The following STARD13 variants were observed in gnomAD, a reference collection of about 807,000 sequenced individuals.
STARD13 encodes stAR-related lipid transfer protein 13.
Under a neutral mutation model 106.4 loss-of-function variants are expected in STARD13, and 62 were observed. That is an observed-to-expected ratio of 0.58 (90% CI 0.48 to 0.72). The LOEUF (loss-of-function observed/expected upper bound fraction) is 0.72. Among genes scored for constraint, STARD13 ranks in the 30% least tolerant of loss-of-function variants. STARD13 has a pLI of 0.00. For missense variants in STARD13, 1,387 were observed against 1,424.0 expected, an observed-to-expected ratio of 0.97 and a Z score of 0.42; for synonymous variants, 565 against 553.0, an observed-to-expected ratio of 1.02 and a Z score of -0.31.
chr13:33,205,766 A>G, intron 1 of STARD13: 2 of 757,782 alleles, frequency 2.6e-6, no homozygotes, highest in Non-Finnish European at 3.2e-6. Flanking sequence ...ATAGGAAGTA[A>G]CTGTTGTCTT....
At chr13:33,652,604 C>T in the STARD13 span, among the ~76,000 whole-genome samples, 1 of 152,214 alleles carries the variant, frequency 6.6e-6, no homozygotes, top group East Asian at 1.9e-4. Flanking sequence ...GTCTTCAAAG[C>T]CAATATAATG....
At chr13:33,559,915 T>C in the STARD13 span, among the ~76,000 whole-genome samples, 1 of 151,500 alleles carries the variant, frequency 6.6e-6, no homozygotes, top group Non-Finnish European at 1.5e-5. Flanking sequence ...CAGCAAGAAG[T>C]AGTCAGCAAG....
chr13:33,183,610 C>A (rs562702875), intron 1 of STARD13, among the ~76,000 whole-genome samples: 1 of 152,158 alleles, frequency 6.6e-6, no homozygotes, highest in African/African-American at 2.4e-5. Flanking sequence ...TAATCAATAA[C>A]AAGAAATCTC....
rs754009295 is a variant in STARD13, at chr13:33,106,830, T to C, written c.3152A>G (p.Asp1051Gly). Reference protein sequence around the residue: ...LLGGVRAVVMDSQYLIEPCGS... With the variant: ...LLGGVRAVVMGSQYLIEPCGS... ...ACACGGTTCTATCAAGTACTGCGAGTCCATCACCACTGCTCGCACACCACC... is the reference window on the plus strand; with the variant it reads ...ACACGGTTCTATCAAGTACTGCGAGCCCATCACCACTGCTCGCACACCACC... The change falls in exon 13 of 14, where the codon GAC (aspartate) becomes GGC (glycine). Residue 1051 changes from aspartate to glycine, a missense_variant. Asp to Gly is a moderately conservative substitution (Grantham distance 94, BLOSUM62 -1). Coordinates refer to ENST00000336934, the MANE Select transcript of STARD13 (RefSeq NM_178006.4). 2 of 1,614,026 alleles carry C rather than the reference T, an allele frequency of 1.2e-6. No homozygotes were observed. Among genetic ancestry groups the C allele is most frequent in the South Asian group, 2.2e-5 (2 of 91,060 alleles).
At chr13:33,149,726 C>A (rs1464441405) in intron 3 of STARD13, among the ~76,000 whole-genome samples, 1 of 152,170 alleles carries the variant, frequency 6.6e-6, no homozygotes, top group African/African-American at 2.4e-5. Context: ...TGTAAGAATA[C>A]AAATTGGATG....
intron 4 of STARD13, among the ~76,000 whole-genome samples, chr13:33,135,501 T>C (rs1330403508): frequency 1.3e-5 from 2 of 152,212 alleles, no homozygotes; most frequent in African/African-American, 2.4e-5. Flanking sequence ...AAGTGTATAA[T>C]GTACAGAATC....
At chr13:33,327,245 C>T (rs185689373) in intron 1 of STARD13, among the ~76,000 whole-genome samples, 1 of 152,244 alleles carries the variant, frequency 6.6e-6, no homozygotes, top group Non-Finnish European at 1.5e-5. Context: ...AATAAGTTCT[C>T]TTGAGAGACG....
At chr13:33,605,311 G>A in the STARD13 span, among the ~76,000 whole-genome samples, 7 of 150,686 alleles carry the variant, frequency 4.6e-5, no homozygotes, top group South Asian at 2.1e-4. Flanking sequence ...TCAAACTCCC[G>A]GGCTCAAGTG....
At chr13:33,194,336 G>A (rs1432393430) in intron 1 of STARD13, among the ~76,000 whole-genome samples, 1 of 151,920 alleles carries the variant, frequency 6.6e-6, no homozygotes, top group Non-Finnish European at 1.5e-5. Context: ...AGGAGAGATG[G>A]TTAATATTCA....
the STARD13 span, among the ~76,000 whole-genome samples, chr13:33,660,460 G>A: frequency 1.3e-5 from 2 of 152,120 alleles, no homozygotes; most frequent in South Asian, 2.1e-4. Context: ...TCCCTTGCTG[G>A]TACTGATCAG....
At chr13:33,359,292 G>A in the STARD13 span, among the ~76,000 whole-genome samples, 4 of 152,000 alleles carry the variant, frequency 2.6e-5, no homozygotes, top group East Asian at 1.9e-4. Flanking sequence ...CGGGAGAAAC[G>A]AACAACTCCA....
the STARD13 span, among the ~76,000 whole-genome samples, chr13:33,519,208 TTTTCTTTCTTTCTTTC>T: frequency 3.4e-3 from 348 of 101,562 alleles, 2 homozygotes; most frequent in Middle Eastern, 8.6e-3. Context: ...CTTGGTAATT[TTTTCTTTCTTTCTTTC>T]TTTCTTTCTT....
the STARD13 span, among the ~76,000 whole-genome samples, chr13:33,635,070 CCAAA>C: frequency 4.6e-5 from 7 of 152,216 alleles, no homozygotes; most frequent in Non-Finnish European, 1.0e-4. Flanking sequence ...TGTTAAAGAA[CCAAA>C]CAAAGTGGAT....
intron 3 of STARD13, among the ~76,000 whole-genome samples, chr13:33,147,290 G>C (rs1880675947): frequency 6.6e-6 from 1 of 152,222 alleles, no homozygotes; most frequent in Non-Finnish European, 1.5e-5. Context: ...GTGCAGAACT[G>C]TGTGTATACC....
the STARD13 span, among the ~76,000 whole-genome samples, chr13:33,397,898 T>C: frequency 6.6e-6 from 1 of 152,232 alleles, no homozygotes; most frequent in Non-Finnish European, 1.5e-5. Context: ...GAGGTCTCTC[T>C]CTGGCCTCTT....
At chr13:33,143,780 T>C (rs1880161618) in intron 3 of STARD13, among the ~76,000 whole-genome samples, 1 of 152,066 alleles carries the variant, frequency 6.6e-6, no homozygotes, top group Non-Finnish European at 1.5e-5. Flanking sequence ...CTCGATCTCC[T>C]GACCTCGTGA....
Position 33,112,819 on chromosome 13 carries a change from G to A in STARD13, c.2394C>T (p.Asn798=). ...GCGTCATCTGATTCTCTTCCACCAA[G>A]TTGACGACGTCGTTCAGGAAACACA... is the stretch of plus-strand genomic sequence containing the variant. ...TLLCFLNDVV[N]LVEENQMTPM... Residue 798 remains asparagine (N), a synonymous_variant, in exon 9 of 14, where the codon AAC becomes AAT. Transcript: ENST00000336934. The A allele has an allele frequency of 6.2e-7, 1 of 1,613,976 alleles. No individual in the cohort carries two copies. The highest frequency in any genetic ancestry group is 8.5e-7 in the Non-Finnish European group (1 of 1,179,938).
Position 33,167,584 on chromosome 13 carries a change from C to T in STARD13, c.208G>A (p.Ala70Thr). ...AKEACDWLRAAGFPQYAQLYE... is the reference protein window; with the variant it reads ...AKEACDWLRATGFPQYAQLYE... ...AACTGAGCGTATTGCGGGAACCCGG[C>T]AGCACGGAGCCAGTCACATGCTTCT... Residue 70 changes from alanine (A) to threonine (T), a missense_variant, in exon 2 of 14, where the codon GCC becomes ACC. Ala to Thr is a moderately conservative substitution (Grantham distance 58). Coordinates refer to ENST00000336934, the MANE Select transcript of STARD13 (RefSeq NM_178006.4). 6.2e-7 allele frequency: 1 copy of T among 1,614,192 alleles called. No homozygotes were observed. Among genetic ancestry groups the T allele is most frequent in the Non-Finnish European group, 8.5e-7 (1 of 1,180,010 alleles).
chr13:33,179,380 G>C (rs961085081), intron 1 of STARD13, among the ~76,000 whole-genome samples: 2 of 152,136 alleles, frequency 1.3e-5, no homozygotes, highest in African/African-American at 4.8e-5. Flanking sequence ...TACCTCAGAG[G>C]GTTGCCGTAA....
Sources: gnomAD v4.1 joint callset for allele counts (sites outside exome capture counted in the v4.1 genomes callset) on GRCh38, gnomAD v4.1.1 for gene constraint, MANE v1.5 for transcripts, NCBI Gene and HGNC (gene_info 2026-07-23, HGNC 2026-07-21) for gene names.